Variants in LRRC20 observed in about 807,000 individuals in gnomAD.
LRRC20 encodes the protein leucine-rich repeat-containing protein 20.
Under a neutral mutation model 14.4 loss-of-function variants are expected in LRRC20, and 11 were observed. The ratio of observed to expected loss-of-function variants is 0.77; its 90% CI spans 0.48 to 1.27. The LOEUF (loss-of-function observed/expected upper bound fraction) is 1.27. Ranked by LOEUF, LRRC20 falls within the 50% of genes most tolerant of loss-of-function variation. The pLI is 0.00. For synonymous variants in LRRC20, 121 were observed against 107.3 expected (o/e 1.13, Z -0.79); for missense variants, 219 against 251.2 (o/e 0.87, Z 0.87).
At chr10:70,305,395 A>AC (rs2136865410) in intron 4 of LRRC20, among the ~76,000 whole-genome samples, 1 of 152,054 alleles carries the variant, frequency 6.6e-6, no homozygotes, top group African/African-American at 2.4e-5. Context: ...GATGTATGAG[A>AC]CCCCCACCCA....
intron 3 of LRRC20, among the ~76,000 whole-genome samples, chr10:70,339,026 T>C (rs1161721282): frequency 6.6e-6 from 1 of 152,204 alleles, no homozygotes; most frequent in Non-Finnish European, 1.5e-5. Flanking sequence ...GGTCATATGG[T>C]AACTCTGTGC....
At chr10:70,370,770 A>G (rs887579809) in intron 2 of LRRC20, among the ~76,000 whole-genome samples, 2 of 152,040 alleles carry the variant, frequency 1.3e-5, no homozygotes, top group Non-Finnish European at 2.9e-5. Flanking sequence ...GTAAAGATTT[A>G]AAACAAGTAT....
rs755293571 is a variant in LRRC20 at position 70,301,425 on chromosome 10, C to T, written c.484G>A (p.Val162Met). 2.4e-5 allele frequency: 39 copies of T among 1,613,732 alleles called. No homozygotes were observed. The highest frequency in any genetic ancestry group is 2.2e-5 in the East Asian group (1 of 44,890). The change falls in exon 5 of 5, where the codon GTG becomes ATG. Residue 162 changes from valine (V) to methionine (M), a missense_variant. Physicochemically the swap from Val to Met is conservative, Grantham distance 21 (BLOSUM62 1). Transcript: ENST00000446961. ...AACTTGATGAGCGGCGGGGCGATCA[C>T]GCGCACCTCGGCGTTGAGTGGGTTG... is the stretch of plus-strand genomic sequence containing the variant. ...RFNPLNAEVR[V>M]IAPPLIKFDM...
chr10:70,305,324 G>A (rs1353560111), intron 4 of LRRC20, among the ~76,000 whole-genome samples: 1 of 152,098 alleles, frequency 6.6e-6, no homozygotes, highest in African/African-American at 2.4e-5. Flanking sequence ...ACATGAGTGC[G>A]CCAATATCTC....
At chr10:70,377,875 C>G (rs1012029461) in intron 1 of LRRC20, among the ~76,000 whole-genome samples, 2 of 152,202 alleles carry the variant, frequency 1.3e-5, no homozygotes, top group Admixed American at 1.3e-4. Flanking sequence ...TTGAGACACA[C>G]ACATACAGAA....
chr10:70,347,138 A>G lies in LRRC20; in HGVS notation c.83-6436T>C, dbSNP rs181468635. 3.1e-3 allele frequency among the ~76,000 whole-genome samples: 467 copies of G among 152,274 alleles called. 2 individuals are homozygous for G. Among genetic ancestry groups the G allele is most frequent in the Non-Finnish European group, 5.1e-3 (349 of 68,034 alleles). ...TGGCCTCAAGTGATCCACCTGCCTC[A>G]TGTTCCCTAAGTGCTAAAGTTAACT... is the stretch of plus-strand genomic sequence containing the variant. On this transcript the variant is annotated intron_variant, in intron 2 of 4. Transcript: ENST00000446961.
intron 2 of LRRC20, among the ~76,000 whole-genome samples, chr10:70,349,954 A>C (rs1843232645): frequency 6.6e-6 from 1 of 152,166 alleles, no homozygotes; most frequent in Non-Finnish European, 1.5e-5. Flanking sequence ...AGTTCTACAG[A>C]CAAAAAGGAG....
intron 3 of LRRC20, among the ~76,000 whole-genome samples, chr10:70,326,333 C>T (rs1842322042): frequency 1.3e-5 from 2 of 151,320 alleles, no homozygotes; most frequent in Non-Finnish European, 2.9e-5. Context: ...CACACACACA[C>T]GCACGCGCCT....
chr10:70,365,053 C>CTTTTTTTTTTTTTTTTTTT (rs10581759), intron 2 of LRRC20, among the ~76,000 whole-genome samples: 1 of 71,430 alleles, frequency 1.4e-5, no homozygotes, highest in African/African-American at 5.2e-5. Flanking sequence ...TGAGATTCAA[C>CTTTTTTTTTTTTTTTTTTT]TTTTTTTTTT....
At chr10:70,372,030 T>A (rs1272815295) in intron 2 of LRRC20, among the ~76,000 whole-genome samples, 1 of 151,828 alleles carries the variant, frequency 6.6e-6, no homozygotes, top group Non-Finnish European at 1.5e-5. Context: ...ACAGGGGATC[T>A]CCCACTCTGC....
At chr10:70,319,885 C>T (rs1313852439) in intron 4 of LRRC20, among the ~76,000 whole-genome samples, 2 of 152,186 alleles carry the variant, frequency 1.3e-5, no homozygotes, top group Non-Finnish European at 2.9e-5. Context: ...CCTGGCAGGC[C>T]AGTCCCCAAG....
chr10:70,300,323 G>C lies in LRRC20; in HGVS notation c.*1031C>G. 1 of 976,698 alleles carries C rather than the reference G, an allele frequency of 1.0e-6. No homozygotes were observed. Among genetic ancestry groups the C allele is most frequent in the Non-Finnish European group, 1.2e-6 (1 of 821,980 alleles). 60.5% of individuals were successfully genotyped at this position (976,698 alleles called of 1,614,324 possible). A position where few individuals can be genotyped will look rare whatever the true frequency, so the allele number is the denominator to read the frequency against. On this transcript the variant is annotated 3_prime_UTR_variant, in exon 5 of 5. Transcript: ENST00000446961. ...GAAAGTTCCATGTCCTGGGAAACCA[G>C]GACAGCTGGTCACCCTGTTGCCTGA...
At chr10:70,303,257 G>A (rs529325923) in intron 4 of LRRC20, among the ~76,000 whole-genome samples, 2 of 152,258 alleles carry the variant, frequency 1.3e-5, no homozygotes, top group African/African-American at 4.8e-5. Context: ...CTATGGGAAT[G>A]CCACTCTATC....
intron 2 of LRRC20, among the ~76,000 whole-genome samples, chr10:70,343,216 G>A (rs1205809297): frequency 6.6e-6 from 1 of 152,136 alleles, no homozygotes; most frequent in Non-Finnish European, 1.5e-5. Context: ...TCTTCACCCT[G>A]TGTTGTATTA....
At chr10:70,321,839 A>G (rs1472983358) in intron 4 of LRRC20, among the ~76,000 whole-genome samples, 1 of 151,748 alleles carries the variant, frequency 6.6e-6, no homozygotes, top group African/African-American at 2.4e-5. Flanking sequence ...AGGGGAGACC[A>G]TCACCCTGTG....
chr10:70,340,830 G>A (rs1842889152), intron 2 of LRRC20, 128 bp from the exon 3 acceptor site: 1 of 968,532 alleles, frequency 1.0e-6, no homozygotes, highest in Admixed American at 2.2e-5. Context: ...TGTCTCCCCA[G>A]GACCAGGCTT....
At chr10:70,340,928 G>A (rs3793807) in intron 2 of LRRC20, among the ~76,000 whole-genome samples, 84,545 of 151,890 alleles carry the variant, frequency 0.56, 23,726 homozygotes, top group African/African-American at 0.62. Context: ...CTAAGGATTT[G>A]TGTTAGCACC....
At chr10:70,344,619 T>C (rs913051658) in intron 2 of LRRC20, among the ~76,000 whole-genome samples, 1 of 152,186 alleles carries the variant, frequency 6.6e-6, no homozygotes, top group Non-Finnish European at 1.5e-5. Flanking sequence ...CAGGCTGGAG[T>C]GCAGTGGCAC....
intron 2 of LRRC20, among the ~76,000 whole-genome samples, chr10:70,365,929 C>T (rs1292714036): frequency 2.0e-5 from 3 of 151,544 alleles, no homozygotes; most frequent in African/African-American, 7.3e-5. Context: ...ATTAGCTGGG[C>T]GAGGTGGCAG....
Sources: gnomAD v4.1 joint callset for allele counts (sites outside exome capture counted in the v4.1 genomes callset) on GRCh38, gnomAD v4.1.1 for gene constraint, MANE v1.5 for transcripts, NCBI Gene and HGNC (gene_info 2026-07-23, HGNC 2026-07-21) for gene names.